RARRES2: variants seen among roughly 807,000 people sequenced by gnomAD.
The protein encoded by RARRES2 is retinoic acid receptor responder protein 2.
In RARRES2, 12 loss-of-function variants were observed where a neutral mutation model predicts 17.9. That is an observed-to-expected ratio of 0.67 (90% confidence interval 0.43 to 1.08). The LOEUF (loss-of-function observed/expected upper bound fraction) is 1.08. Among genes scored for constraint, RARRES2 ranks in the 50% least tolerant of loss-of-function variants. RARRES2 has a pLI of 0.00. For missense variants in RARRES2, 220 were observed against 210.1 expected (o/e 1.05, Z -0.29); for synonymous variants, 82 against 86.8 (o/e 0.94, Z 0.31).
Position 150,338,737 on chromosome 7 carries a change from G to GC in RARRES2, c.379dup (p.Ala127GlyfsTer2), listed in dbSNP as rs745898062. 8 of 1,556,728 alleles carry GC rather than the reference G, an allele frequency of 5.1e-6. No individual in the cohort carries two copies. The highest frequency in any genetic ancestry group is 3.9e-5 in the Admixed American group (2 of 51,524). ...GCACTGGGTCTCCTGGTGCTCCTCA[G>GC]CCTCCTGCCAGTGCCCAAAACTGTT... On this transcript the variant is annotated frameshift_variant, in exon 5 of 6. Coordinates refer to ENST00000223271, the MANE Select transcript of RARRES2 (RefSeq NM_002889.4). LOFTEE classifies it high-confidence loss of function.
intron 1 of RARRES2, 50 bp from the exon 2 acceptor site, chr7:150,340,679 C>T: frequency 7.1e-7 from 1 of 1,417,058 alleles, no homozygotes; most frequent in Non-Finnish European, 9.2e-7. Context: ...CCCGAGCCGC[C>T]TCCTCCCGCG....
rs575922154 is a variant in RARRES2, at chr7:150,338,589, G to A, written c.*10+26C>T. On this transcript the variant is annotated intron_variant, in intron 5 of 5. Coordinates refer to ENST00000223271, the MANE Select transcript of RARRES2 (RefSeq NM_002889.4). ...TTCCCAGGGCTGGCCTCATCCAGAC[G>A]GTGCTCTCAGCCCCCTGGTGCCTAC... The A allele has an allele frequency of 1.5e-5, 23 of 1,549,286 alleles. No individual in the cohort carries two copies. The African/African-American group carries it at 2.1e-4, about 14-fold the overall frequency.
Position 150,340,619 on chromosome 7 carries a change from T to G in RARRES2, c.-10A>C, listed in dbSNP as rs749476976. 3.3e-6 allele frequency: 5 copies of G among 1,502,584 alleles called. No homozygotes were observed. Among genetic ancestry groups the G allele is most frequent in the Non-Finnish European group, 4.5e-6 (5 of 1,123,020 alleles). The allele number at this position is 1,502,584 out of a possible 1,614,324, so 93.1% of individuals were successfully genotyped here. ...TCAGCAGCCGTCGCATGCTTCCGTG[T>G]CACCCTGGCCCTGCGAAGCGGGTGT... is the stretch of plus-strand genomic sequence containing the variant. On this transcript the variant is annotated 5_prime_UTR_variant, in exon 2 of 6. Transcript: ENST00000223271.
In RARRES2 at chr7:150,340,640, G is replaced by T; in HGVS notation, c.-20-11C>A. On this transcript the variant is annotated splice_polypyrimidine_tract_variant and intron_variant, in intron 1 of 5. Coordinates refer to ENST00000223271, the MANE Select transcript of RARRES2 (RefSeq NM_002889.4). The stretch of plus-strand genomic sequence containing the variant: ...CGTGTCACCCTGGCCCTGCGAAGCG[G>T]GTGTGCGCCCCTCAGCTCTCCGAGC... 6.8e-7 allele frequency: 1 copy of T among 1,473,186 alleles called. No individual in the cohort carries two copies. Among genetic ancestry groups the T allele is most frequent in the Non-Finnish European group, 9.0e-7 (1 of 1,110,960 alleles). 91.3% of individuals were successfully genotyped at this position (1,473,186 alleles called of 1,614,324 possible).
At position 150,340,146 on chromosome 7, in the gene RARRES2, C is replaced by T. The variant is rs199682879; in HGVS notation, c.233G>A (p.Arg78Gln). The T allele has an allele frequency of 1.2e-4, 192 of 1,614,176 alleles. 2 individuals carry two copies. The highest frequency in any genetic ancestry group is 8.2e-4 in the South Asian group (75 of 91,074). The stretch of plus-strand genomic sequence containing the variant: ...CTCGGGTTTCTTCCAGTCCCTCTTC[C>T]GGCAGCTTGTCTGCTGCAGCTTAAA... ...LEFKLQQTSC[R>Q]KRDWKKPECK... The change falls in exon 3 of 6, where the codon CGG becomes CAG. Residue 78 changes from arginine to glutamine, a missense_variant. Arg to Gln is a conservative substitution (Grantham distance 43, BLOSUM62 1). Coordinates refer to ENST00000223271, the MANE Select transcript of RARRES2 (RefSeq NM_002889.4).
In RARRES2 at chr7:150,338,901, T is replaced by C. The variant is rs531670491; in HGVS notation, c.375+85A>G. ...TGCCCTCCCTCCTGCTTGGCCAAGC[T>C]TTAGCCTCGAGACCAGCCCATAGGC... On this transcript the variant is annotated intron_variant, in intron 4 of 5. Coordinates refer to ENST00000223271, the MANE Select transcript of RARRES2 (RefSeq NM_002889.4). The C allele has an allele frequency of 5.8e-6, 9 of 1,542,770 alleles. No individual in the cohort carries two copies. The Admixed American group carries it at 1.4e-4, about 23-fold the overall frequency.
chr7:150,338,453 G>GA lies in RARRES2; in HGVS notation c.*11-15dup. On this transcript the variant is annotated splice_polypyrimidine_tract_variant and intron_variant, in intron 5 of 5. Coordinates refer to ENST00000223271, the MANE Select transcript of RARRES2 (RefSeq NM_002889.4). ...CACCACGCATCTCTAGACAAAAGGG[G>GA]AAACAGGTTTGGGGGTGAGGGAGGT... 2 of 1,530,786 alleles carry GA rather than the reference G, an allele frequency of 1.3e-6. No homozygotes were observed. Among genetic ancestry groups the GA allele is most frequent in the Non-Finnish European group, 1.8e-6 (2 of 1,142,632 alleles). The allele number at this position is 1,530,786 out of a possible 1,614,324, so 94.8% of individuals were successfully genotyped here. A position where few individuals can be genotyped will look rare whatever the true frequency, so the allele number is the denominator to read the frequency against.
intron 3 of RARRES2, 89 bp downstream of exon 3, chr7:150,340,009 GCA>G: frequency 8.8e-7 from 1 of 1,130,240 alleles, no homozygotes; most frequent in Non-Finnish European, 1.3e-6. Context: ...ATTCATGCAT[GCA>G]CACCCAGGCA....
At position 150,340,448 on chromosome 7, in the gene RARRES2, G is replaced by C. The variant is rs1163974778; in HGVS notation, c.162C>G (p.Ser54Arg). 4 of 1,604,120 alleles carry C rather than the reference G, an allele frequency of 2.5e-6. No individual in the cohort carries two copies. Among genetic ancestry groups the C allele is most frequent in the Non-Finnish European group, 3.4e-6 (4 of 1,174,176 alleles). ...QWAFQETSVE[S>R]AVDTPFPAGI... ...CCATGCTACTCACCGTGTCCACGGC[G>C]CTCTCCACACTGGTCTCCTGGAAGG... Residue 54 changes from serine (S) to arginine (R), a missense_variant, in exon 2 of 6, where the codon AGC (serine) becomes AGG (arginine). By Grantham distance (110) the Ser-to-Arg change is moderately radical. Transcript: ENST00000223271.
chr7:150,340,012 C>T (rs1298979033), intron 3 of RARRES2, 88 bp downstream of exon 3: 4 of 1,170,626 alleles, frequency 3.4e-6, no homozygotes, highest in East Asian at 4.7e-5. Context: ...CATGCATGCA[C>T]ACCCAGGCAT....
intron 5 of RARRES2, 25 bp from the exon 6 acceptor site, chr7:150,338,464 G>T: frequency 6.5e-7 from 1 of 1,527,226 alleles, no homozygotes; most frequent in Non-Finnish European, 8.8e-7. Flanking sequence ...AAACAGGTTT[G>T]GGGGTGAGGG....
chr7:150,340,695 C>G, intron 1 of RARRES2, 66 bp from the exon 2 acceptor site: 1 of 1,352,088 alleles, frequency 7.4e-7, no homozygotes, highest in Non-Finnish European at 9.7e-7. Context: ...CCGCGCCCTG[C>G]TCTGGGGGGA....
At chr7:150,339,861 A>G (rs1798436897) in intron 3 of RARRES2, among the ~76,000 whole-genome samples, 1 of 152,108 alleles carries the variant, frequency 6.6e-6, no homozygotes, top group Non-Finnish European at 1.5e-5. Flanking sequence ...AGGGGTAACC[A>G]AACCATCTTC....
intron 4 of RARRES2, 115 bp from the exon 5 acceptor site, chr7:150,338,856 C>CTTTTGG (rs1798404142): frequency 6.4e-7 from 1 of 1,561,850 alleles, no homozygotes; most frequent in African/African-American, 1.4e-5. Context: ...CAAACAGGCA[C>CTTTTGG]AGCGCTTTCT....
chr7:150,340,804 C>T (rs1256699303), intron 1 of RARRES2, 175 bp from the exon 2 acceptor site: 21 of 576,306 alleles, frequency 3.6e-5, no homozygotes, highest in Non-Finnish European at 8.7e-6. Flanking sequence ...TAGGGTCCGC[C>T]TGGCCCTCTC....
At chr7:150,339,574 C>T (rs114887174) in intron 3 of RARRES2, among the ~76,000 whole-genome samples, 1,821 of 152,276 alleles carry the variant, frequency 0.012, 39 homozygotes, top group African/African-American at 0.042. Context: ...CAGTGCCCTC[C>T]TTGAGCCGAC....
rs1475218860 is a variant in RARRES2 at position 150,340,217 on chromosome 7, A to C, written c.175-13T>G. 6.2e-7 allele frequency: 1 copy of C among 1,613,202 alleles called. No homozygotes were observed. Among genetic ancestry groups the C allele is most frequent in the Admixed American group, 1.7e-5 (1 of 60,016 alleles). Reference sequence around the variant, plus strand: ...CAGCTGGGAAGGGCTGCGGACAGACAGGCAGGCAGAGGATGGCCGGTAGCC... The same window carrying C: ...CAGCTGGGAAGGGCTGCGGACAGACCGGCAGGCAGAGGATGGCCGGTAGCC... On this transcript the variant is annotated splice_polypyrimidine_tract_variant and intron_variant, in intron 2 of 5. Transcript: ENST00000223271.
In RARRES2 at chr7:150,338,692, C is replaced by T; in HGVS notation, c.425G>A (p.Gly142Asp). The change falls in exon 5 of 6, where the codon GGT becomes GAT. Residue 142 changes from glycine (G) to aspartate (D), a missense_variant. Gly to Asp is a moderately conservative substitution (Grantham distance 94, BLOSUM62 -1). Coordinates refer to ENST00000223271, the MANE Select transcript of RARRES2 (RefSeq NM_002889.4). ...ETQCLRVQRA[G>D]EDPHSFYFPG... ...GAAGTAGAAGCTGTGGGGGTCCTCACCAGCCCGCTGCACCCTGAGGCACTG... is the reference window on the plus strand; with the variant it reads ...GAAGTAGAAGCTGTGGGGGTCCTCATCAGCCCGCTGCACCCTGAGGCACTG... 6.4e-7 allele frequency: 1 copy of T among 1,555,516 alleles called. No individual in the cohort carries two copies. Among genetic ancestry groups the T allele is most frequent in the Non-Finnish European group, 8.7e-7 (1 of 1,149,086 alleles).
chr7:150,340,298 A>T, intron 2 of RARRES2, 94 bp from the exon 3 acceptor site: 1 of 1,548,738 alleles, frequency 6.5e-7, no homozygotes, highest in South Asian at 1.2e-5. Context: ...ACGCAGTCAC[A>T]TTCCAGCAGG....
Sources: allele counts gnomAD v4.1 joint callset (sites outside exome capture counted in the v4.1 genomes callset), GRCh38; gene constraint gnomAD v4.1.1; transcripts MANE v1.5; gene names NCBI Gene and HGNC (gene_info 2026-07-23, HGNC 2026-07-21).